Variants in PAK5 observed in about 807,000 individuals in gnomAD.
PAK5 encodes p21 (RAC1) activated kinase 5, also known as serine/threonine-protein kinase PAK 5.
PAK5 carries 16 observed loss-of-function variants against 65.9 expected under a neutral mutation model. The observed-to-expected ratio is 0.24, with a 90% CI of 0.16 to 0.37. PAK5 has a LOEUF of 0.37. Among genes scored for constraint, PAK5 ranks in the 10% least tolerant of loss-of-function variants. The pLI is 1.00. For missense variants in PAK5, 785 were observed against 903.9 expected, an observed-to-expected ratio of 0.87 and a Z score of 1.69; for synonymous variants, 371 against 354.9, an observed-to-expected ratio of 1.05 and a Z score of -0.51.
intron 2 of PAK5, among the ~76,000 whole-genome samples, chr20:9,664,942 T>C (rs1416255052): frequency 6.6e-6 from 1 of 152,084 alleles, no homozygotes; most frequent in Non-Finnish European, 1.5e-5. Context: ...TTTGTTTTTT[T>C]AACAGGCAGA....
At chr20:9,704,547 C>T (rs1452905700) in intron 2 of PAK5, among the ~76,000 whole-genome samples, 2 of 152,080 alleles carry the variant, frequency 1.3e-5, no homozygotes, top group African/African-American at 4.8e-5. Context: ...AATATATGAT[C>T]CCTATTGCTT....
At chr20:9,714,204 C>G (rs370270639) in intron 1 of PAK5, among the ~76,000 whole-genome samples, 2 of 152,212 alleles carry the variant, frequency 1.3e-5, no homozygotes, top group East Asian at 3.9e-4. Flanking sequence ...TTAATTATTG[C>G]TCCTCCAATT....
At chr20:9,751,490 G>T (rs1196223676) in intron 1 of PAK5, among the ~76,000 whole-genome samples, 1 of 152,136 alleles carries the variant, frequency 6.6e-6, no homozygotes, top group Non-Finnish European at 1.5e-5. Context: ...ATGATGGAGA[G>T]ATTTCATTTC....
At chr20:9,792,901 C>T (rs915817035) in intron 1 of PAK5, among the ~76,000 whole-genome samples, 1 of 152,070 alleles carries the variant, frequency 6.6e-6, no homozygotes, top group African/African-American at 2.4e-5. Flanking sequence ...TGGCAGAAAG[C>T]GAACAGGCAG....
chr20:9,620,949 GAGAGAGAGAA>G (rs1248334664), intron 3 of PAK5, among the ~76,000 whole-genome samples: 2 of 58,662 alleles, frequency 3.4e-5, no homozygotes, highest in African/African-American at 1.5e-4. Context: ...GCCAGAGAAA[GAGAGAGAGAA>G]AGAGAGAGAG....
intron 2 of PAK5, among the ~76,000 whole-genome samples, chr20:9,667,167 C>T (rs1485999014): frequency 6.6e-6 from 1 of 152,120 alleles, no homozygotes; most frequent in Non-Finnish European, 1.5e-5. Context: ...ATCCCAGCTA[C>T]TTGGGAGGCT....
intron 1 of PAK5, among the ~76,000 whole-genome samples, chr20:9,765,699 T>C (rs1386459799): frequency 6.6e-6 from 1 of 152,146 alleles, no homozygotes; most frequent in Non-Finnish European, 1.5e-5. Context: ...TGCTAAGAGC[T>C]AGTTGTTGAA....
At chr20:9,669,079 A>G (rs946074419) in intron 2 of PAK5, among the ~76,000 whole-genome samples, 2 of 152,220 alleles carry the variant, frequency 1.3e-5, no homozygotes, top group African/African-American at 4.8e-5. Context: ...GTGATTTACA[A>G]AAAATATTGT....
At chr20:9,697,816 T>C (rs2047888899) in intron 2 of PAK5, among the ~76,000 whole-genome samples, 2 of 152,136 alleles carry the variant, frequency 1.3e-5, no homozygotes, top group South Asian at 4.1e-4. Context: ...TAGTTGACTA[T>C]TGTTAGGCTG....
At chr20:9,718,379 C>A (rs6118709) in intron 1 of PAK5, among the ~76,000 whole-genome samples, 1 of 151,774 alleles carries the variant, frequency 6.6e-6, no homozygotes, top group Admixed American at 6.6e-5. Flanking sequence ...CAATTTAGAA[C>A]GGCTGTTGTA....
At chr20:9,597,748 C>G (rs6056736) in intron 3 of PAK5, among the ~76,000 whole-genome samples, 8,622 of 152,178 alleles carry the variant, frequency 0.057, 756 homozygotes, top group African/African-American at 0.19. Context: ...TGCCTGGTTA[C>G]CATGTGTACA....
intron 2 of PAK5, among the ~76,000 whole-genome samples, chr20:9,704,248 C>G (rs2123470314): frequency 6.6e-6 from 1 of 152,288 alleles, no homozygotes; most frequent in East Asian, 1.9e-4. Flanking sequence ...GATTAGTCTC[C>G]TTTAAAGTAG....
chr20:9,560,806 C>A (rs1433020169), intron 6 of PAK5, among the ~76,000 whole-genome samples: 3 of 152,188 alleles, frequency 2.0e-5, no homozygotes, highest in African/African-American at 7.2e-5. Context: ...CCTTCTATAA[C>A]CCTCTGTTTC....
chr20:9,702,515 C>T lies in PAK5; in HGVS notation c.-12+8771G>A, dbSNP rs143337100. ...ATGCAATCACGATGTGTAAAATGTA[C>T]AAAAAATTAAAAACGGAATAAACAT... On this transcript the variant is annotated intron_variant, in intron 2 of 9. Coordinates refer to ENST00000353224, the MANE Select transcript of PAK5 (RefSeq NM_177990.4). Among the ~76,000 whole-genome samples the T allele has an allele frequency of 3.5e-3, 531 of 152,168 alleles. 3 individuals carry two copies. The highest frequency in any genetic ancestry group is 0.012 in the African/African-American group (492 of 41,512).
At chr20:9,788,731 A>G (rs969190571) in intron 1 of PAK5, among the ~76,000 whole-genome samples, 2 of 152,170 alleles carry the variant, frequency 1.3e-5, no homozygotes, top group African/African-American at 4.8e-5. Context: ...GGTCACAGAA[A>G]GACCCTCTTC....
Position 9,543,730 on chromosome 20 carries a change from A to G in PAK5, c.1869+639T>C, listed in dbSNP as rs534375061. ...TAGCCTTATGTGCCTCTAAGCTTCC[A>G]CCCATGCTATTACCTCCCAAGAAGG... On this transcript the variant is annotated intron_variant, in intron 8 of 9. Transcript: ENST00000353224. 6.6e-5 allele frequency among the ~76,000 whole-genome samples: 10 copies of G among 151,976 alleles called. No individual in the cohort carries two copies. In the East Asian group the frequency reaches 1.9e-3, roughly 29 times the overall value.
intron 3 of PAK5, among the ~76,000 whole-genome samples, chr20:9,600,588 T>C (rs967529052): frequency 6.6e-6 from 1 of 152,256 alleles, no homozygotes; most frequent in African/African-American, 2.4e-5. Context: ...ACAGACTTAT[T>C]TGTCATAATA....
chr20:9,803,824 A>G (rs1160058021), intron 1 of PAK5, among the ~76,000 whole-genome samples: 1 of 152,162 alleles, frequency 6.6e-6, no homozygotes, highest in Admixed American at 6.6e-5. Flanking sequence ...CTGTAAATCC[A>G]GAAATAAAAT....
intron 1 of PAK5, among the ~76,000 whole-genome samples, chr20:9,798,040 T>C (rs1252010308): frequency 1.3e-5 from 2 of 152,096 alleles, no homozygotes; most frequent in Non-Finnish European, 1.5e-5. Flanking sequence ...AGCTGTGGCA[T>C]ATGTTACACA....
Sources: gnomAD v4.1 joint callset for allele counts (sites outside exome capture counted in the v4.1 genomes callset) on GRCh38, gnomAD v4.1.1 for gene constraint, MANE v1.5 for transcripts, NCBI Gene and HGNC (gene_info 2026-07-23, HGNC 2026-07-21) for gene names.